The following LRPPRC variants were observed in gnomAD, a reference collection of about 807,000 sequenced individuals.
LRPPRC encodes the protein leucine rich pentatricopeptide repeat containing.
A neutral mutation model predicts 180.3 loss-of-function variants in LRPPRC; 120 were observed. The ratio of observed to expected loss-of-function variants is 0.67; its 90% CI spans 0.57 to 0.77. LRPPRC has a LOEUF of 0.77. Among genes scored for constraint, LRPPRC ranks in the 30% least tolerant of loss-of-function variants. LRPPRC has a pLI of 0.00. For missense variants in LRPPRC, 2,012 were observed against 1,657.2 expected, an observed-to-expected ratio of 1.21 and a Z score of -3.72; for synonymous variants, 723 against 600.0, an observed-to-expected ratio of 1.21 and a Z score of -3.00.
chr2:43,974,009 C>A (rs1673936970), intron 9 of LRPPRC, 109 bp from the exon 10 acceptor site: 5 of 1,148,226 alleles, frequency 4.4e-6, no homozygotes, highest in Non-Finnish European at 5.3e-6. Context: ...CCCGCATCCT[C>A]TTTCTACCCA....
chr2:43,988,308 G>A (rs563439986), intron 1 of LRPPRC, among the ~76,000 whole-genome samples: 3 of 151,554 alleles, frequency 2.0e-5, no homozygotes, highest in African/African-American at 7.3e-5. Flanking sequence ...AGGCCAAGGC[G>A]GGCGGATCAC....
Position 43,918,282 on chromosome 2 carries a change from G to C in LRPPRC, c.3013C>G (p.Gln1005Glu). The C allele has an allele frequency of 3.7e-6, 6 of 1,612,832 alleles. No individual in the cohort carries two copies. The highest frequency in any genetic ancestry group is 5.1e-6 in the Non-Finnish European group (6 of 1,178,938). Residue 1005 changes from glutamine to glutamate, a missense_variant, in exon 28 of 38, where the codon CAG (glutamine) becomes GAG (glutamate). Gln to Glu is a conservative substitution (Grantham distance 29). Transcript: ENST00000260665. The part of the protein sequence containing the change: ...LLAEILREGN[Q>E]EVPFDVPELW... ...TCAGGTACGTCAAACGGAACTTCCT[G>C]GTTACCCTCTCTAAGGATTTCTGCT... is the stretch of plus-strand genomic sequence containing the variant.
At chr2:43,925,708 T>A (rs1003026588) in intron 26 of LRPPRC, among the ~76,000 whole-genome samples, 185 bp downstream of exon 26, 1 of 152,088 alleles carries the variant, frequency 6.6e-6, no homozygotes, top group Non-Finnish European at 1.5e-5. Context: ...AGGTTAACAG[T>A]TTAGGGTTTC....
chr2:43,951,004 A>C (rs1403241793), intron 14 of LRPPRC, among the ~76,000 whole-genome samples: 2 of 152,178 alleles, frequency 1.3e-5, no homozygotes, highest in Non-Finnish European at 2.9e-5. Flanking sequence ...CGGGAAGCGG[A>C]GGTTGCAGTG....
At chr2:43,995,690 G>A (rs2103796077) in intron 1 of LRPPRC, 109 bp downstream of exon 1, 2 of 1,086,502 alleles carry the variant, frequency 1.8e-6, no homozygotes, top group South Asian at 2.4e-5. Context: ...AGGTCCTGGG[G>A]CGGGGAGAAG....
At position 43,963,697 on chromosome 2, in the gene LRPPRC, T is replaced by G; in HGVS notation, c.1379A>C (p.Glu460Ala). 6.6e-7 allele frequency: 1 copy of G among 1,507,332 alleles called. No individual in the cohort carries two copies. Among genetic ancestry groups the G allele is most frequent in the Non-Finnish European group, 9.2e-7 (1 of 1,083,142 alleles). The allele number at this position is 1,507,332 out of a possible 1,614,324, so 93.4% of individuals were successfully genotyped here. ...CAATTCTTGCATTCCTTTGAGGATT[T>G]CAATTATACCTACCAAATAAAATGT... ...RKEKNVQGII[E>A]ILKGMQELGV... Residue 460 changes from glutamate (E) to alanine (A), a missense_variant, in exon 12 of 38, where the codon GAA (glutamate) becomes GCA (alanine). Physicochemically the swap from Glu to Ala is moderately radical, Grantham distance 107. Coordinates refer to ENST00000260665, the MANE Select transcript of LRPPRC (RefSeq NM_133259.4).
intron 29 of LRPPRC, among the ~76,000 whole-genome samples, chr2:43,914,097 G>A (rs1431458344): frequency 6.6e-6 from 1 of 152,212 alleles, no homozygotes; most frequent in Middle Eastern, 3.4e-3. Context: ...TTTTTAGGGG[G>A]CTAAAAACTT....
At chr2:43,900,462 C>T (rs1322000868) in intron 32 of LRPPRC, among the ~76,000 whole-genome samples, 2 of 151,948 alleles carry the variant, frequency 1.3e-5, no homozygotes, top group Non-Finnish European at 1.5e-5. Context: ...ATATGTTCTC[C>T]GAATCATATA....
At chr2:43,939,116 CA>C (rs34124728) in intron 23 of LRPPRC, among the ~76,000 whole-genome samples, 11,274 of 128,140 alleles carry the variant, frequency 0.088, 483 homozygotes, top group South Asian at 0.14. Context: ...ACTAAAAATA[CA>C]AAAAAAAAAA....
intron 25 of LRPPRC, among the ~76,000 whole-genome samples, 158 bp from the exon 26 acceptor site, chr2:43,926,119 A>G (rs1472471486): frequency 2.0e-5 from 3 of 152,148 alleles, no homozygotes; most frequent in East Asian, 1.9e-4. Context: ...TCTATATACT[A>G]AATTTATACT....
Position 43,945,365 on chromosome 2 carries a change from C to T in LRPPRC, c.2263G>A (p.Val755Ile). Residue 755 changes from valine to isoleucine, a missense_variant, in exon 22 of 38, where the codon GTA (valine) becomes ATA (isoleucine). Transcript: ENST00000260665. ...TTGCCATGCTTTGCCAATACTCTTA[C>T]AAGGCCTACATACTTGCCGGTGTCA... ...VLDTGKYVGL[V>I]RVLAKHGKLQ... 4 of 1,612,600 alleles carry T rather than the reference C, an allele frequency of 2.5e-6. No homozygotes were observed. Among genetic ancestry groups the T allele is most frequent in the Non-Finnish European group, 2.5e-6 (3 of 1,178,794 alleles).
At chr2:43,922,840 T>C (rs918853887) in intron 27 of LRPPRC, among the ~76,000 whole-genome samples, 3 of 152,144 alleles carry the variant, frequency 2.0e-5, no homozygotes, top group African/African-American at 7.2e-5. Context: ...AGGGGATAGC[T>C]TGCTTTTTCT....
At chr2:43,944,181 A>G (rs1027673195) in intron 22 of LRPPRC, among the ~76,000 whole-genome samples, 2 of 152,058 alleles carry the variant, frequency 1.3e-5, no homozygotes, top group Non-Finnish European at 2.9e-5. Context: ...AGATCCTCCT[A>G]AATGGATGCT....
rs1672926949 is a variant in LRPPRC at position 43,952,050 on chromosome 2, A to G, written c.1650-1450T>C. ...CTCTACTAAAAATACAAAATTAGCCAGGCGTGGTGGCGCATGCCAGTAATC... is the reference window on the plus strand; with the variant it reads ...CTCTACTAAAAATACAAAATTAGCCGGGCGTGGTGGCGCATGCCAGTAATC... On this transcript the variant is annotated intron_variant, in intron 14 of 37. Coordinates refer to ENST00000260665, the MANE Select transcript of LRPPRC (RefSeq NM_133259.4). 1.3e-5 allele frequency among the ~76,000 whole-genome samples: 2 copies of G among 152,112 alleles called. 1 individual carries two copies. The highest frequency in any genetic ancestry group is 4.1e-4 in the South Asian group (2 of 4,830).
chr2:43,908,342 A>T (rs1188450149), intron 30 of LRPPRC, among the ~76,000 whole-genome samples: 2 of 152,220 alleles, frequency 1.3e-5, no homozygotes, highest in African/African-American at 4.8e-5. Context: ...ACTAAAAATG[A>T]AAGAAAGATG....
intron 1 of LRPPRC, among the ~76,000 whole-genome samples, chr2:43,986,783 T>C (rs1341172917): frequency 6.6e-6 from 1 of 152,160 alleles, no homozygotes; most frequent in African/African-American, 2.4e-5. Flanking sequence ...CAATTGGGTG[T>C]TCACACTGGA....
chr2:43,890,386 G>A (rs1451617323), intron 36 of LRPPRC: 1 of 469,366 alleles, frequency 2.1e-6, no homozygotes, highest in Non-Finnish European at 4.4e-6. Context: ...AACAAATATG[G>A]AAAGTATAGT....
chr2:43,983,786 T>A (rs573093401), intron 1 of LRPPRC, among the ~76,000 whole-genome samples: 10 of 152,190 alleles, frequency 6.6e-5, no homozygotes, highest in Non-Finnish European at 1.5e-4. Flanking sequence ...AAGTATGTGT[T>A]GTTTTACTAA....
rs4245798 is a variant in LRPPRC, at chr2:43,950,809, T to C, written c.1650-209A>G. Among the ~76,000 whole-genome samples the C allele has an allele frequency of 0.68, 102,695 of 152,126 alleles. 35,961 individuals carry two copies. Among genetic ancestry groups the C allele is most frequent in the East Asian group, 0.98 (5,068 of 5,182 alleles). On this transcript the variant is annotated intron_variant, in intron 14 of 37. Transcript: ENST00000260665. ...AATAGGCCAGGCCTGGTGGCTCACA[T>C]CTGCAATCCCAGCACTTTGGGAGGC... is the stretch of plus-strand genomic sequence containing the variant.
Sources: gnomAD v4.1 joint callset for allele counts (sites outside exome capture counted in the v4.1 genomes callset) on GRCh38, gnomAD v4.1.1 for gene constraint, MANE v1.5 for transcripts, NCBI Gene and HGNC (gene_info 2026-07-23, HGNC 2026-07-21) for gene names.